Variants in CSGALNACT1 observed in about 807,000 individuals in gnomAD.
CSGALNACT1 encodes beta4GalNAcT-1.
In CSGALNACT1, 52 loss-of-function variants were observed where a neutral mutation model predicts 51.0. That is an observed-to-expected ratio of 1.02 (90% CI 0.82 to 1.29). CSGALNACT1 has a LOEUF of 1.29. CSGALNACT1 is among the 50% of genes most tolerant of loss of function. The pLI is 0.00. For synonymous variants in CSGALNACT1, 341 were observed against 254.4 expected, an observed-to-expected ratio of 1.34 and a Z score of -3.24; for missense variants, 935 against 679.2, an observed-to-expected ratio of 1.38 and a Z score of -4.19.
intron 1 of CSGALNACT1, among the ~76,000 whole-genome samples, chr8:19,742,311 C>T (rs545148731): frequency 6.6e-6 from 1 of 152,204 alleles, no homozygotes. Context: ...TGTGCCAAAC[C>T]ACAGTGCCGT....
At position 19,478,457 on chromosome 8, in the gene CSGALNACT1, C is replaced by T. The variant is rs1036890921; in HGVS notation, c.635-19815G>A. 1.0e-4 allele frequency among the ~76,000 whole-genome samples: 15 copies of T among 150,668 alleles called. 1 individual carries two copies. Among genetic ancestry groups the T allele is most frequent in the Non-Finnish European group, 2.1e-4 (14 of 67,826 alleles). On this transcript the variant is annotated intron_variant, in intron 4 of 9. Transcript: ENST00000454498. ...AAAAAAAGGTACTGATGTCTGGGTC[C>T]CACTCCCAGAGATTCCGATTTAATT...
At chr8:19,591,313 A>T in intron 2 of CSGALNACT1, 1 of 152,298 alleles carries the variant, frequency 6.6e-6, no homozygotes, top group South Asian at 2.1e-4. Context: ...AGAATTACTT[A>T]AATACACCCT....
chr8:19,521,555 C>T (rs186338636), intron 3 of CSGALNACT1, among the ~76,000 whole-genome samples: 9 of 152,120 alleles, frequency 5.9e-5, no homozygotes, highest in Admixed American at 2.6e-4. Flanking sequence ...TGGTGGTGTG[C>T]GCTTGTAATC....
At chr8:19,674,849 T>C (rs2060058300) in intron 1 of CSGALNACT1, among the ~76,000 whole-genome samples, 1 of 151,842 alleles carries the variant, frequency 6.6e-6, no homozygotes, top group African/African-American at 2.4e-5. Flanking sequence ...AAATCATAAG[T>C]AGCTAATGGC....
At chr8:19,474,970 A>T (rs1448097657) in intron 4 of CSGALNACT1, among the ~76,000 whole-genome samples, 1 of 152,282 alleles carries the variant, frequency 6.6e-6, no homozygotes, top group East Asian at 1.9e-4. Context: ...TTGCTATGGA[A>T]AGGGCTCAAA....
At chr8:19,423,720 G>C (rs994237090) in intron 6 of CSGALNACT1, among the ~76,000 whole-genome samples, 4 of 152,110 alleles carry the variant, frequency 2.6e-5, no homozygotes, top group Non-Finnish European at 4.4e-5. Flanking sequence ...AGAAAATTCA[G>C]GCAAATGGAT....
At chr8:19,682,804 C>T (rs751235494), upstream of CSGALNACT1, 4 of 451,808 alleles carry the variant, frequency 8.9e-6, no homozygotes, top group Non-Finnish European at 1.8e-5. Context: ...GCCTTTCCGG[C>T]CAGCACAGAT....
intron 4 of CSGALNACT1, among the ~76,000 whole-genome samples, chr8:19,490,740 T>TC (rs1011749362): frequency 1.1e-4 from 17 of 152,106 alleles, no homozygotes; most frequent in African/African-American, 4.1e-4. Flanking sequence ...ATCATCTCCT[T>TC]CCCCAAAAAA....
intron 1 of CSGALNACT1, among the ~76,000 whole-genome samples, chr8:19,671,970 G>C (rs1039304498): frequency 3.6e-4 from 55 of 152,302 alleles, no homozygotes; most frequent in South Asian, 4.1e-4. Context: ...CATTGGGGCA[G>C]TTAGATGTTT....
At chr8:19,646,421 A>G (rs1039823113) in intron 1 of CSGALNACT1, among the ~76,000 whole-genome samples, 3 of 152,230 alleles carry the variant, frequency 2.0e-5, no homozygotes, top group African/African-American at 7.2e-5. Flanking sequence ...TAACAAAGAT[A>G]ATTTGAAGAG....
intron 4 of CSGALNACT1, among the ~76,000 whole-genome samples, chr8:19,484,459 A>G (rs1420850343): frequency 1.3e-5 from 2 of 152,202 alleles, no homozygotes; most frequent in Non-Finnish European, 2.9e-5. Flanking sequence ...AAGAGGTTTA[A>G]TGCACTCACA....
At chr8:19,676,295 C>T (rs556509021) in intron 1 of CSGALNACT1, among the ~76,000 whole-genome samples, 79 of 152,170 alleles carry the variant, frequency 5.2e-4, no homozygotes, top group South Asian at 2.9e-3. Context: ...GGCTTTAGAG[C>T]AGCTATTTTA....
intron 3 of CSGALNACT1, among the ~76,000 whole-genome samples, chr8:19,544,568 C>T (rs753817726): frequency 1.3e-5 from 2 of 152,064 alleles, no homozygotes; most frequent in Non-Finnish European, 2.9e-5. Flanking sequence ...GATTGAATGA[C>T]CCTTTTGCTT....
At chr8:19,470,546 T>G (rs1394991967) in intron 4 of CSGALNACT1, among the ~76,000 whole-genome samples, 1 of 151,918 alleles carries the variant, frequency 6.6e-6, no homozygotes, top group African/African-American at 2.4e-5. Flanking sequence ...CAGACAGGTG[T>G]GAGGGCAAGG....
At chr8:19,674,874 G>T (rs1016966626) in intron 1 of CSGALNACT1, among the ~76,000 whole-genome samples, 1 of 152,150 alleles carries the variant, frequency 6.6e-6, no homozygotes, top group African/African-American at 2.4e-5. Flanking sequence ...ATTTGGGTAT[G>T]AGAGAATGAG....
chr8:19,552,785 G>C (rs1211650066), intron 3 of CSGALNACT1, among the ~76,000 whole-genome samples: 1 of 152,184 alleles, frequency 6.6e-6, no homozygotes, highest in Non-Finnish European at 1.5e-5. Flanking sequence ...AAGTCTAACT[G>C]TAGCTAAACA....
At chr8:19,515,184 G>A (rs2079278636) in intron 3 of CSGALNACT1, among the ~76,000 whole-genome samples, 1 of 150,968 alleles carries the variant, frequency 6.6e-6, no homozygotes, top group Non-Finnish European at 1.5e-5. Context: ...GTCAGGCCAT[G>A]TCCTTTCCTG....
chr8:19,491,276 T>C (rs2074303489), intron 4 of CSGALNACT1, among the ~76,000 whole-genome samples: 3 of 152,238 alleles, frequency 2.0e-5, no homozygotes, highest in Admixed American at 2.0e-4. Context: ...CGCAAAATTT[T>C]ACCAGTCTCC....
chr8:19,428,377 C>T (rs755207178), intron 6 of CSGALNACT1, among the ~76,000 whole-genome samples: 23 of 152,056 alleles, frequency 1.5e-4, no homozygotes, highest in African/African-American at 4.3e-4. Flanking sequence ...TCTTACGTGG[C>T]GGCAGGTGAG....
Sources: allele counts gnomAD v4.1 joint callset (sites outside exome capture counted in the v4.1 genomes callset), GRCh38; gene constraint gnomAD v4.1.1; transcripts MANE v1.5; gene names NCBI Gene and HGNC (gene_info 2026-07-23, HGNC 2026-07-21).